STK32B: variants seen among roughly 807,000 people sequenced by gnomAD.
STK32B encodes the protein serine/threonine-protein kinase 32B.
Under a neutral mutation model 52.6 loss-of-function variants are expected in STK32B, and 43 were observed. The ratio of observed to expected loss-of-function variants is 0.82; its 90% CI spans 0.64 to 1.05. The LOEUF (loss-of-function observed/expected upper bound fraction) is 1.05. STK32B is among the 50% of genes least tolerant of loss of function. The probability of loss-of-function intolerance (pLI) is 0.00; values close to 1 mark genes in which losing one functional copy is unlikely to be tolerated. For missense variants in STK32B, 621 were observed against 534.6 expected, an observed-to-expected ratio of 1.16 and a Z score of -1.59; for synonymous variants, 238 against 204.3, an observed-to-expected ratio of 1.17 and a Z score of -1.41.
At chr4:5,231,025 G>A (rs34654885) in intron 3 of STK32B, among the ~76,000 whole-genome samples, 40,242 of 152,098 alleles carry the variant, frequency 0.26, 5,858 homozygotes, top group East Asian at 0.36. Flanking sequence ...GCAGACGTAG[G>A]TATGGCTCAG....
chr4:5,183,490 A>T (rs1470098292), intron 3 of STK32B, among the ~76,000 whole-genome samples: 5 of 151,918 alleles, frequency 3.3e-5, no homozygotes, highest in Non-Finnish European at 5.9e-5. Context: ...AAAAAAAAAA[A>T]AATTAAATTA....
intron 4 of STK32B, among the ~76,000 whole-genome samples, chr4:5,362,510 A>G (rs1734612589): frequency 6.6e-6 from 1 of 152,210 alleles, no homozygotes. Flanking sequence ...ACTTTGTACA[A>G]GAAATTAGTG....
chr4:5,348,772 G>A (rs1376513255), intron 4 of STK32B, among the ~76,000 whole-genome samples: 3 of 152,098 alleles, frequency 2.0e-5, no homozygotes, highest in African/African-American at 7.3e-5. Context: ...TGCACCATCA[G>A]GGGGCCTGAG....
At chr4:5,476,238 A>T (rs1435094950) in intron 11 of STK32B, among the ~76,000 whole-genome samples, 1 of 152,176 alleles carries the variant, frequency 6.6e-6, no homozygotes, top group African/African-American at 2.4e-5. Flanking sequence ...TCTGGAAAGA[A>T]TAAGTCATCC....
intron 3 of STK32B, among the ~76,000 whole-genome samples, chr4:5,268,538 G>GGTGTGGT (rs1727198203): frequency 7.1e-6 from 1 of 140,092 alleles, no homozygotes; most frequent in Admixed American, 7.4e-5. Context: ...TGCTTGGTGT[G>GGTGTGGT]GTGTGTGTGT....
chr4:5,042,805 C>A, the STK32B span, among the ~76,000 whole-genome samples: 1 of 152,212 alleles, frequency 6.6e-6, no homozygotes, highest in East Asian at 1.9e-4. Context: ...AGCTCCTAGG[C>A]TACAAACCTG....
chr4:5,109,731 C>A (rs1287420146), intron 1 of STK32B, among the ~76,000 whole-genome samples: 1 of 152,108 alleles, frequency 6.6e-6, no homozygotes, highest in Non-Finnish European at 1.5e-5. Flanking sequence ...AAGACAAGTT[C>A]CACTATTCAA....
Position 5,113,970 on chromosome 4 carries a change from A to G in STK32B, c.53-25935A>G, listed in dbSNP as rs546864640. ...ATCAGATCTTGTGAGACTTACTATCACGAGAATAGCATGAGAAAGACCTGC... is the reference window on the plus strand; with the variant it reads ...ATCAGATCTTGTGAGACTTACTATCGCGAGAATAGCATGAGAAAGACCTGC... On this transcript the variant is annotated intron_variant, in intron 1 of 11. Transcript: ENST00000282908. 1.6e-4 allele frequency among the ~76,000 whole-genome samples: 25 copies of G among 152,224 alleles called. No individual in the cohort carries two copies. In the East Asian group the frequency reaches 3.3e-3, roughly 20 times the overall value.
chr4:5,466,661 G>A (rs1267139964), intron 9 of STK32B, 42 bp from the exon 10 acceptor site: 2 of 1,572,004 alleles, frequency 1.3e-6, no homozygotes, highest in Non-Finnish European at 1.7e-6. Flanking sequence ...AGTGATGGGT[G>A]GAACGCAGAC....
chr4:5,021,545 C>G, the STK32B span, among the ~76,000 whole-genome samples: 1 of 152,118 alleles, frequency 6.6e-6, no homozygotes, highest in Non-Finnish European at 1.5e-5. Flanking sequence ...TGGATGTGCT[C>G]AAGGAATGGG....
chr4:5,278,200 A>G lies in STK32B; in HGVS notation c.261-53020A>G, dbSNP rs530888518. Among the ~76,000 whole-genome samples the G allele has an allele frequency of 9.3e-4, 141 of 152,320 alleles. 1 individual carries two copies. Among genetic ancestry groups the G allele is most frequent in the African/African-American group, 3.2e-3 (134 of 41,564 alleles). ...AGCCTCTCAGTAAAATTGCTGAGGA[A>G]TGGTGGACAAAATACATTTAAAAAT... On this transcript the variant is annotated intron_variant, in intron 3 of 11. Coordinates refer to ENST00000282908, the MANE Select transcript of STK32B (RefSeq NM_018401.3).
chr4:5,124,702 A>C (rs570202944), intron 1 of STK32B, among the ~76,000 whole-genome samples: 2 of 152,316 alleles, frequency 1.3e-5, no homozygotes, highest in Admixed American at 1.3e-4. Context: ...ACATGTGTAC[A>C]TGTCTGTGTG....
At position 5,257,927 on chromosome 4, in the gene STK32B, A is replaced by G. The variant is rs10937631; in HGVS notation, c.261-73293A>G. Among the ~76,000 whole-genome samples the G allele has an allele frequency of 3.4e-3, 524 of 152,316 alleles. 4 individuals are homozygous for G. The highest frequency in any genetic ancestry group is 0.015 in the South Asian group (72 of 4,822). On this transcript the variant is annotated intron_variant, in intron 3 of 11. Coordinates refer to ENST00000282908, the MANE Select transcript of STK32B (RefSeq NM_018401.3). ...CACTGCACTCCAGCCTGAGAGAAAG[A>G]GCAAGACTCCATCTCAAAAAAGAAA... is the stretch of plus-strand genomic sequence containing the variant.
chr4:5,053,839 C>T (rs1741886263), intron 1 of STK32B, among the ~76,000 whole-genome samples: 1 of 151,890 alleles, frequency 6.6e-6, no homozygotes, highest in East Asian at 1.9e-4. Context: ...ATTAGCCGGG[C>T]ATGTTGGCGG....
intron 1 of STK32B, among the ~76,000 whole-genome samples, chr4:5,115,406 A>T (rs2108805801): frequency 6.6e-6 from 1 of 152,348 alleles, no homozygotes; most frequent in Non-Finnish European, 1.5e-5. Context: ...TTCCTCCAGC[A>T]TTACAGGAAA....
chr4:5,426,979 C>A (rs1713161699), intron 6 of STK32B: 1 of 152,130 alleles, frequency 6.6e-6, no homozygotes, highest in Non-Finnish European at 1.5e-5. Context: ...TATACTTAGA[C>A]CAATTTAACA....
intron 1 of STK32B, among the ~76,000 whole-genome samples, chr4:5,086,218 C>G (rs1712726719): frequency 6.6e-6 from 1 of 152,128 alleles, no homozygotes; most frequent in Non-Finnish European, 1.5e-5. Flanking sequence ...CTTGAGGAAG[C>G]CCCAGACTTT....
chr4:5,320,809 T>A (rs1025889260), intron 3 of STK32B, among the ~76,000 whole-genome samples: 3 of 152,216 alleles, frequency 2.0e-5, no homozygotes, highest in African/African-American at 7.2e-5. Context: ...TTTGTTGTGT[T>A]TACATTGTAT....
intron 3 of STK32B, among the ~76,000 whole-genome samples, chr4:5,319,102 C>A (rs1731313452): frequency 6.6e-6 from 1 of 152,136 alleles, no homozygotes; most frequent in Admixed American, 6.5e-5. Flanking sequence ...CCACGCCTGG[C>A]TAAAAATAGC....
Sources: allele counts gnomAD v4.1 joint callset (sites outside exome capture counted in the v4.1 genomes callset), GRCh38; gene constraint gnomAD v4.1.1; transcripts MANE v1.5; gene names NCBI Gene and HGNC (gene_info 2026-07-23, HGNC 2026-07-21).